The following KHDRBS2 variants were observed in gnomAD, a reference collection of about 807,000 sequenced individuals.
KHDRBS2 encodes KH RNA binding domain containing, signal transduction associated 2, also known as KH domain-containing, RNA-binding, signal transduction-associated protein 2.
A neutral mutation model predicts 44.3 loss-of-function variants in KHDRBS2; 26 were observed. The observed-to-expected ratio is 0.59, with a 90% confidence interval of 0.43 to 0.81. The LOEUF (loss-of-function observed/expected upper bound fraction) is 0.81. Among genes scored for constraint, KHDRBS2 ranks in the 40% least tolerant of loss-of-function variants. KHDRBS2 has a pLI of 0.00. For missense variants in KHDRBS2, 476 were observed against 433.1 expected (o/e 1.10, Z -0.88); for synonymous variants, 194 against 151.1 (o/e 1.28, Z -2.08).
chr6:61,634,501 A>G, the KHDRBS2 span, among the ~76,000 whole-genome samples: 1 of 150,548 alleles, frequency 6.6e-6, no homozygotes, highest in Non-Finnish European at 1.5e-5. Flanking sequence ...ATTGCTCTCC[A>G]TTGTCTTTCC....
At chr6:61,992,414 G>A (rs193126418) in intron 3 of KHDRBS2, among the ~76,000 whole-genome samples, 1 of 152,094 alleles carries the variant, frequency 6.6e-6, no homozygotes, top group African/African-American at 2.4e-5. Context: ...AATATATTTA[G>A]CTAGACTCCA....
intron 6 of KHDRBS2, among the ~76,000 whole-genome samples, chr6:61,879,936 A>C (rs1799972435): frequency 2.0e-5 from 3 of 151,906 alleles, no homozygotes; most frequent in Admixed American, 2.0e-4. Flanking sequence ...GAAGAGATTG[A>C]TGTTTTTAAA....
At chr6:62,094,331 G>A (rs1475118465) in intron 2 of KHDRBS2, among the ~76,000 whole-genome samples, 1 of 151,728 alleles carries the variant, frequency 6.6e-6, no homozygotes, top group Non-Finnish European at 1.5e-5. Context: ...TCATTTGTAT[G>A]TCTTCATTTG....
At chr6:61,747,469 T>C (rs941829961) in intron 6 of KHDRBS2, among the ~76,000 whole-genome samples, 1 of 152,176 alleles carries the variant, frequency 6.6e-6, no homozygotes, top group Non-Finnish European at 1.5e-5. Context: ...ATTTTTTCAA[T>C]TAGAAAGAAT....
At position 62,217,171 on chromosome 6, in the gene KHDRBS2, G is replaced by C. The variant is rs142024617; in HGVS notation, c.92-39859C>G. Among the ~76,000 whole-genome samples the C allele has an allele frequency of 4.6e-3, 691 of 151,766 alleles. 10 individuals are homozygous for C. Among genetic ancestry groups the C allele is most frequent in the Non-Finnish European group, 7.8e-3 (529 of 67,770 alleles). ...ATGTGCTTAATGCAGAAGGAGCAAT[G>C]TCTCTTCGCCGTTTTCAATAAGAGC... is the stretch of plus-strand genomic sequence containing the variant. On this transcript the variant is annotated intron_variant, in intron 1 of 8. Coordinates refer to ENST00000281156, the MANE Select transcript of KHDRBS2 (RefSeq NM_152688.4).
Position 61,848,492 on chromosome 6 carries a change from T to TATATAC in KHDRBS2, c.810+46142_810+46143insGTATAT, listed in dbSNP as rs1562293638. ...TTTTATATATATATATATATATATG[T>TATATAC]ATATATATATATATATATGTATATA... On this transcript the variant is annotated intron_variant, in intron 6 of 8. Coordinates refer to ENST00000281156, the MANE Select transcript of KHDRBS2 (RefSeq NM_152688.4). 2.2e-3 allele frequency among the ~76,000 whole-genome samples: 67 copies of TATATAC among 30,134 alleles called. 4 individuals carry two copies. Among genetic ancestry groups the TATATAC allele is most frequent in the East Asian group, 5.4e-3 (9 of 1,672 alleles). The allele number at this position is 30,134 out of a possible 152,430, so 19.8% of individuals were successfully genotyped here.
intron 2 of KHDRBS2, among the ~76,000 whole-genome samples, chr6:62,171,350 G>A (rs983393765): frequency 5.9e-5 from 9 of 151,724 alleles, no homozygotes; most frequent in Non-Finnish European, 8.8e-5. Flanking sequence ...CTCAAACACT[G>A]GTTGTCCAAA....
intron 2 of KHDRBS2, among the ~76,000 whole-genome samples, chr6:62,117,450 T>C (rs1806539794): frequency 6.6e-6 from 1 of 152,180 alleles, no homozygotes; most frequent in African/African-American, 2.4e-5. Context: ...AATCAAATTA[T>C]TTGTGACTTT....
intron 3 of KHDRBS2, among the ~76,000 whole-genome samples, chr6:62,006,604 T>C (rs899326449): frequency 6.6e-6 from 1 of 152,076 alleles, no homozygotes; most frequent in South Asian, 2.1e-4. Context: ...CTAACAATAA[T>C]AAAGTATCTT....
chr6:61,968,885 T>G (rs953546250), intron 4 of KHDRBS2, among the ~76,000 whole-genome samples: 1 of 152,144 alleles, frequency 6.6e-6, no homozygotes, highest in South Asian at 2.1e-4. Flanking sequence ...GGTTTTCAAA[T>G]AACCCTCTTT....
intron 4 of KHDRBS2, among the ~76,000 whole-genome samples, chr6:61,927,732 A>T (rs148429012): frequency 1.8e-4 from 28 of 152,282 alleles, no homozygotes; most frequent in African/African-American, 6.3e-4. Context: ...TCAATTCACA[A>T]TAAATCGATG....
chr6:61,716,694 A>T (rs745311788), intron 7 of KHDRBS2, among the ~76,000 whole-genome samples: 1 of 152,068 alleles, frequency 6.6e-6, no homozygotes, highest in Non-Finnish European at 1.5e-5. Flanking sequence ...AGTCGTATAC[A>T]TTCACAAACA....
At chr6:62,213,611 T>G (rs1425113111) in intron 1 of KHDRBS2, among the ~76,000 whole-genome samples, 1 of 151,976 alleles carries the variant, frequency 6.6e-6, no homozygotes, top group Non-Finnish European at 1.5e-5. Context: ...TGGGGCATGG[T>G]ATCCTTATTA....
At chr6:61,777,157 A>T (rs1047301537) in intron 6 of KHDRBS2, among the ~76,000 whole-genome samples, 2 of 151,754 alleles carry the variant, frequency 1.3e-5, no homozygotes, top group African/African-American at 2.4e-5. Context: ...GGAAGGGGGG[A>T]CGGGTAGCAT....
At chr6:61,574,346 A>G in the KHDRBS2 span, 1 of 1,527,754 alleles carries the variant, frequency 6.5e-7, no homozygotes, top group Non-Finnish European at 8.8e-7. Context: ...ACGAGGTTTC[A>G]GCTGTCTCTT....
chr6:61,779,203 T>C (rs1014763539), intron 6 of KHDRBS2, among the ~76,000 whole-genome samples: 3 of 152,126 alleles, frequency 2.0e-5, no homozygotes, highest in African/African-American at 7.2e-5. Context: ...TTTTTTTTTA[T>C]TTTAATGTCA....
At chr6:61,992,778 TATTTTCCAGGGGGA>T (rs1235896022) in intron 3 of KHDRBS2, among the ~76,000 whole-genome samples, 1 of 152,238 alleles carries the variant, frequency 6.6e-6, no homozygotes, top group Non-Finnish European at 1.5e-5. Context: ...GGAAAACAAG[TATTTTCCAGGGGGA>T]ATGAAGGACA....
At chr6:61,624,131 T>C in the KHDRBS2 span, among the ~76,000 whole-genome samples, 1 of 152,190 alleles carries the variant, frequency 6.6e-6, no homozygotes, top group Non-Finnish European at 1.5e-5. Flanking sequence ...GTATCATATG[T>C]CAATGCCAAG....
intron 3 of KHDRBS2, among the ~76,000 whole-genome samples, chr6:62,045,490 C>T (rs1787480100): frequency 6.6e-6 from 1 of 151,894 alleles, no homozygotes; most frequent in Non-Finnish European, 1.5e-5. Flanking sequence ...TCATTTAAAT[C>T]CATAAAAATT....
Sources: allele counts gnomAD v4.1 joint callset (sites outside exome capture counted in the v4.1 genomes callset), GRCh38; gene constraint gnomAD v4.1.1; transcripts MANE v1.5; gene names NCBI Gene and HGNC (gene_info 2026-07-23, HGNC 2026-07-21).